The following COG5 variants were observed in gnomAD, a reference collection of about 807,000 sequenced individuals.
COG5 encodes conserved oligomeric Golgi complex subunit 5.
A neutral mutation model predicts 110.4 loss-of-function variants in COG5; 86 were observed. The ratio of observed to expected loss-of-function variants is 0.78; its 90% confidence interval spans 0.65 to 0.93. COG5 has a LOEUF of 0.93. COG5 is among the 40% of genes least tolerant of loss of function. The probability of loss-of-function intolerance (pLI) is 0.00; values close to 1 mark genes in which losing one functional copy is unlikely to be tolerated. For missense variants in COG5, 1,077 were observed against 987.0 expected, an observed-to-expected ratio of 1.09 and a Z score of -1.22; for synonymous variants, 360 against 334.6, an observed-to-expected ratio of 1.08 and a Z score of -0.83.
intron 6 of COG5, among the ~76,000 whole-genome samples, chr7:107,461,080 T>C (rs1160762876): frequency 6.6e-6 from 1 of 152,078 alleles, no homozygotes; most frequent in Non-Finnish European, 1.5e-5. Context: ...AAAGAACATC[T>C]TTCAACTCAC....
At chr7:107,361,928 C>T (rs938829874) in intron 10 of COG5, 105 bp downstream of exon 10, 1 of 730,416 alleles carries the variant, frequency 1.4e-6, no homozygotes, top group Non-Finnish European at 2.4e-6. Context: ...CTATTGCCAT[C>T]TGATATGTAG....
intron 7 of COG5, among the ~76,000 whole-genome samples, chr7:107,401,592 A>G (rs527269398): frequency 1.3e-5 from 2 of 152,162 alleles, no homozygotes; most frequent in Non-Finnish European, 2.9e-5. Context: ...TACTACATTC[A>G]TTCTTTCAAG....
intron 6 of COG5, among the ~76,000 whole-genome samples, chr7:107,509,783 C>T (rs1048267167): frequency 6.6e-6 from 1 of 152,168 alleles, no homozygotes; most frequent in Non-Finnish European, 1.5e-5. Flanking sequence ...CCAGAATTTT[C>T]ATATCCAGCC....
chr7:107,351,764 C>A (rs1362966637), intron 10 of COG5, among the ~76,000 whole-genome samples: 1 of 151,158 alleles, frequency 6.6e-6, no homozygotes, highest in East Asian at 1.9e-4. Context: ...CAATGAGATA[C>A]CATCTCACAC....
At chr7:107,307,953 T>C (rs1807875500) in intron 11 of COG5, among the ~76,000 whole-genome samples, 2 of 152,180 alleles carry the variant, frequency 1.3e-5, no homozygotes, top group Non-Finnish European at 2.9e-5. Context: ...ACAGTTCTCT[T>C]ATACTTTACA....
At chr7:107,365,934 A>G (rs954659802) in intron 8 of COG5, among the ~76,000 whole-genome samples, 3 of 152,138 alleles carry the variant, frequency 2.0e-5, no homozygotes, top group Non-Finnish European at 4.4e-5. Flanking sequence ...CCATGCCTAC[A>G]CTATTCTTCA....
intron 17 of COG5, among the ~76,000 whole-genome samples, chr7:107,236,932 GATT>G (rs1801240089): frequency 6.6e-6 from 1 of 152,182 alleles, no homozygotes; most frequent in African/African-American, 2.4e-5. Context: ...TTTACCTAAA[GATT>G]ATTAAGAATG....
intron 17 of COG5, among the ~76,000 whole-genome samples, chr7:107,246,868 G>A (rs989702373): frequency 2.0e-5 from 3 of 152,150 alleles, no homozygotes; most frequent in African/African-American, 7.2e-5. Flanking sequence ...CCCATTACTG[G>A]CTATATATCC....
chr7:107,401,014 G>C (rs1167302825), intron 7 of COG5, among the ~76,000 whole-genome samples: 1 of 152,140 alleles, frequency 6.6e-6, no homozygotes, highest in Non-Finnish European at 1.5e-5. Context: ...GCAGGGATCA[G>C]CATATTTTTT....
At chr7:107,462,218 G>T (rs1489597102) in intron 6 of COG5, among the ~76,000 whole-genome samples, 1 of 152,176 alleles carries the variant, frequency 6.6e-6, no homozygotes, top group Non-Finnish European at 1.5e-5. Context: ...CTAGACACCA[G>T]TAAGAATAAT....
intron 14 of COG5, among the ~76,000 whole-genome samples, chr7:107,276,558 C>T (rs781080723): frequency 7.2e-5 from 11 of 152,082 alleles, no homozygotes; most frequent in Middle Eastern, 3.2e-3. Context: ...GAGGCTGAAG[C>T]GGGAGGATAC....
chr7:107,215,618 T>G (rs1382147835), intron 19 of COG5, among the ~76,000 whole-genome samples: 1 of 151,926 alleles, frequency 6.6e-6, no homozygotes, highest in Non-Finnish European at 1.5e-5. Flanking sequence ...GAGCCAAGAT[T>G]GTACCACAGC....
At chr7:107,509,265 G>A (rs1242032703) in intron 6 of COG5, among the ~76,000 whole-genome samples, 2 of 152,178 alleles carry the variant, frequency 1.3e-5, no homozygotes, top group East Asian at 3.9e-4. Flanking sequence ...AGCCTCGGGA[G>A]CTGATGCGAT....
In COG5 at chr7:107,262,418, C is replaced by T. The variant is rs565360945; in HGVS notation, c.1576-4035G>A. ...TCCAGTGCAACTGTGGAGATACTGG[C>T]TTTAAACTGGGGCCTGGAGAGTTCA... On this transcript the variant is annotated intron_variant, in intron 14 of 21. Transcript: ENST00000297135. Among the ~76,000 whole-genome samples the T allele has an allele frequency of 5.3e-5, 8 of 152,242 alleles. No homozygotes were observed. The East Asian group carries it at 1.5e-3, about 29-fold the overall frequency.
At chr7:107,533,843 C>T (rs1801385208) in intron 5 of COG5, among the ~76,000 whole-genome samples, 2 of 151,478 alleles carry the variant, frequency 1.3e-5, no homozygotes, top group South Asian at 4.1e-4. Context: ...TCAAGAAGAA[C>T]AACCCCAAGA....
chr7:107,537,822 G>T (rs181366226), intron 5 of COG5, among the ~76,000 whole-genome samples: 1 of 151,462 alleles, frequency 6.6e-6, no homozygotes, highest in African/African-American at 2.4e-5. Flanking sequence ...TGGCCAAAAG[G>T]CACCACAGAA....
chr7:107,491,481 T>C (rs1197742080), intron 6 of COG5, among the ~76,000 whole-genome samples: 1 of 152,176 alleles, frequency 6.6e-6, no homozygotes, highest in African/African-American at 2.4e-5. Context: ...CCTCAAGTCT[T>C]TTCCCAGGTG....
At chr7:107,540,504 G>A (rs75136686) in intron 5 of COG5, among the ~76,000 whole-genome samples, 18,929 of 150,800 alleles carry the variant, frequency 0.13, 1,485 homozygotes, top group Non-Finnish European at 0.17. Context: ...CTTGAGCCCA[G>A]CACTTAGAGG....
At position 107,226,751 on chromosome 7, in the gene COG5, T is replaced by G. The variant is rs1027749590; in HGVS notation, c.2168+3864A>C. Among the ~76,000 whole-genome samples, 3 of 152,368 alleles carry G rather than the reference T, an allele frequency of 2.0e-5. No individual in the cohort carries two copies. In the South Asian group the frequency reaches 6.2e-4, roughly 32 times the overall value. Reference sequence around the variant, plus strand: ...TATATTATACTTCTGTTTTATTTCTTGATCCAGTTAATCCTAATCCTACGC... The same window carrying G: ...TATATTATACTTCTGTTTTATTTCTGGATCCAGTTAATCCTAATCCTACGC... On this transcript the variant is annotated intron_variant, in intron 19 of 21. Transcript: ENST00000297135.
Sources: gnomAD v4.1 joint callset for allele counts (sites outside exome capture counted in the v4.1 genomes callset) on GRCh38, gnomAD v4.1.1 for gene constraint, MANE v1.5 for transcripts, NCBI Gene and HGNC (gene_info 2026-07-23, HGNC 2026-07-21) for gene names.